CCDC125: variants seen among roughly 807,000 people sequenced by gnomAD.
CCDC125 encodes coiled-coil domain containing 125.
In CCDC125, 43 loss-of-function variants were observed where a neutral mutation model predicts 57.4. That is an observed-to-expected ratio of 0.75 (90% confidence interval 0.59 to 0.97). CCDC125 has a LOEUF of 0.97. Ranked by LOEUF, CCDC125 falls within the 50% of genes least tolerant of loss-of-function variation. CCDC125 has a pLI of 0.00. For missense variants in CCDC125, 563 were observed against 595.7 expected, an observed-to-expected ratio of 0.95 and a Z score of 0.57; for synonymous variants, 187 against 195.2, an observed-to-expected ratio of 0.96 and a Z score of 0.35.
intron 3 of CCDC125, among the ~76,000 whole-genome samples, chr5:69,313,044 G>T (rs1484093432): frequency 6.6e-6 from 1 of 152,084 alleles, no homozygotes; most frequent in Admixed American, 6.6e-5. Flanking sequence ...CAAGGGAAGA[G>T]GGGGAGGAAC....
At chr5:69,293,745 G>A (rs933497677) in intron 9 of CCDC125, among the ~76,000 whole-genome samples, 1 of 152,074 alleles carries the variant, frequency 6.6e-6, no homozygotes, top group Non-Finnish European at 1.5e-5. Context: ...CAGGATGCAG[G>A]TTTGTTACCT....
At chr5:69,290,634 T>C (rs906770108) in intron 10 of CCDC125, among the ~76,000 whole-genome samples, 9 of 144,122 alleles carry the variant, frequency 6.2e-5, no homozygotes, top group Non-Finnish European at 1.1e-4. Context: ...TTTTTCTTTT[T>C]TTTTTTTTTT....
At chr5:69,307,478 C>T (rs758148807) in intron 5 of CCDC125, among the ~76,000 whole-genome samples, 2 of 151,942 alleles carry the variant, frequency 1.3e-5, no homozygotes, top group Non-Finnish European at 2.9e-5. Context: ...GTCAGGAGAT[C>T]GAGACCATTC....
At chr5:69,314,398 G>A (rs1758661598) in intron 2 of CCDC125, among the ~76,000 whole-genome samples, 1 of 151,866 alleles carries the variant, frequency 6.6e-6, no homozygotes, top group African/African-American at 2.4e-5. Context: ...CCGGGACATG[G>A]AGGTTGCAGT....
intron 11 of CCDC125, among the ~76,000 whole-genome samples, chr5:69,283,453 C>T (rs139129765): frequency 1.9e-4 from 29 of 152,162 alleles, no homozygotes; most frequent in African/African-American, 7.0e-4. Flanking sequence ...ATCTCCTGAC[C>T]TTGTGATCAG....
intron 1 of CCDC125, among the ~76,000 whole-genome samples, chr5:69,322,279 G>A (rs981763565): frequency 1.3e-5 from 2 of 152,022 alleles, no homozygotes; most frequent in African/African-American, 4.8e-5. Flanking sequence ...GGCACCACGT[G>A]GGGGTGGGGA....
At chr5:69,319,522 C>T (rs1759681981) in intron 2 of CCDC125, among the ~76,000 whole-genome samples, 1 of 149,576 alleles carries the variant, frequency 6.7e-6, no homozygotes, top group South Asian at 2.1e-4. Flanking sequence ...TGCTCTGTCG[C>T]CCAGGCTGGA....
chr5:69,313,415 G>C, intron 3 of CCDC125: 1 of 1,525,514 alleles, frequency 6.6e-7, no homozygotes, highest in African/African-American at 1.4e-5. Flanking sequence ...CTGCCCCCCA[G>C]CTTCTCTGCC....
chr5:69,276,288 C>T (rs941356792), downstream of CCDC125, among the ~76,000 whole-genome samples: 5 of 152,164 alleles, frequency 3.3e-5, no homozygotes, highest in African/African-American at 1.2e-4. Context: ...CTCAGCCTCC[C>T]AAGGTGCTGG....
intron 1 of CCDC125, among the ~76,000 whole-genome samples, chr5:69,325,816 C>T (rs1292028767): frequency 7.4e-6 from 1 of 135,328 alleles, no homozygotes; most frequent in African/African-American, 2.8e-5. Flanking sequence ...AAAGCAAAAC[C>T]CTCTGTCTCA....
intron 6 of CCDC125, among the ~76,000 whole-genome samples, chr5:69,305,577 A>G (rs1016121850): frequency 3.3e-5 from 5 of 152,206 alleles, no homozygotes; most frequent in Non-Finnish European, 5.9e-5. Flanking sequence ...TCATGAATGC[A>G]GGATGTAGGC....
intron 2 of CCDC125, among the ~76,000 whole-genome samples, chr5:69,317,403 T>A (rs1246809692): frequency 2.0e-5 from 3 of 152,154 alleles, no homozygotes; most frequent in Non-Finnish European, 4.4e-5. Flanking sequence ...AATAAGGAAT[T>A]GGAAGAAAAA....
At chr5:69,303,698 T>C (rs552245392) in intron 7 of CCDC125, 149 bp downstream of exon 7, 2 of 574,002 alleles carry the variant, frequency 3.5e-6, no homozygotes, top group African/African-American at 2.0e-5. Flanking sequence ...TTTTATGTTA[T>C]GTGAATTTCA....
intron 6 of CCDC125, among the ~76,000 whole-genome samples, chr5:69,304,422 C>CTTTT (rs35397437): frequency 6.0e-5 from 8 of 134,004 alleles, no homozygotes; most frequent in African/African-American, 5.6e-5. Flanking sequence ...TAAACATACC[C>CTTTT]TTTTTTTTTT....
intron 9 of CCDC125, chr5:69,294,025 AAG>A (rs1044484631): frequency 5.3e-6 from 2 of 380,590 alleles, no homozygotes; most frequent in African/African-American, 4.4e-5. Context: ...ACCCCGTCCA[AAG>A]CCACACAGCT....
chr5:69,321,427 T>C (rs1760003198), intron 1 of CCDC125, among the ~76,000 whole-genome samples: 1 of 152,224 alleles, frequency 6.6e-6, no homozygotes, highest in African/African-American at 2.4e-5. Context: ...TTAGGCAATT[T>C]TGTCGTTGTG....
intron 10 of CCDC125, 118 bp downstream of exon 10, chr5:69,292,070 C>T: frequency 8.7e-6 from 8 of 915,016 alleles, no homozygotes; most frequent in Non-Finnish European, 1.3e-5. Flanking sequence ...AAACCACAAC[C>T]ATATGTGAAG....
rs371671655 is a variant in CCDC125 at position 69,320,553 on chromosome 5, G to T, written c.-13C>A. 6 of 1,573,994 alleles carry T rather than the reference G, an allele frequency of 3.8e-6. No homozygotes were observed. Among genetic ancestry groups the T allele is most frequent in the Non-Finnish European group, 5.2e-6 (6 of 1,160,334 alleles). On this transcript the variant is annotated 5_prime_UTR_variant, in exon 2 of 12. Coordinates refer to ENST00000396496, the MANE Select transcript of CCDC125 (RefSeq NM_176816.5). Reference sequence around the variant, plus strand: ...CCACCTTGCTCATGAGCCAAATGCCGTCTTTATCATAAGAAAAAATGGGCT... The same window carrying T: ...CCACCTTGCTCATGAGCCAAATGCCTTCTTTATCATAAGAAAAAATGGGCT...
rs112358594 is a variant in CCDC125 at position 69,283,659 on chromosome 5, A to G, written c.1231-625T>C. Reference sequence around the variant, plus strand: ...CACCCTCCCGAGTAGAGTAGCTGGGACTATAGGCGTGCACCACCACACCTT... The same window carrying G: ...CACCCTCCCGAGTAGAGTAGCTGGGGCTATAGGCGTGCACCACCACACCTT... On this transcript the variant is annotated intron_variant, in intron 11 of 11. Transcript: ENST00000396496. Among the ~76,000 whole-genome samples the G allele has an allele frequency of 7.6e-3, 1,149 of 151,252 alleles. 17 individuals carry two copies. Among genetic ancestry groups the G allele is most frequent in the African/African-American group, 0.027 (1,105 of 41,052 alleles).
Sources: gnomAD v4.1 joint callset for allele counts (sites outside exome capture counted in the v4.1 genomes callset) on GRCh38, gnomAD v4.1.1 for gene constraint, MANE v1.5 for transcripts, NCBI Gene and HGNC (gene_info 2026-07-23, HGNC 2026-07-21) for gene names.